The following EFCAB6 variants were observed in gnomAD, a reference collection of about 807,000 sequenced individuals.
The protein encoded by EFCAB6 is EF-hand calcium binding domain 6.
A neutral mutation model predicts 169.8 loss-of-function variants in EFCAB6; 156 were observed. The observed-to-expected ratio is 0.92, with a 90% CI of 0.81 to 1.05. EFCAB6 has a LOEUF of 1.05. Ranked by LOEUF, EFCAB6 falls within the 50% of genes least tolerant of loss-of-function variation. The pLI, the probability that EFCAB6 is intolerant of heterozygous loss-of-function variation, is 0.00. For missense variants in EFCAB6, 1,800 were observed against 1,829.1 expected (o/e 0.98, Z 0.29); for synonymous variants, 698 against 676.4 (o/e 1.03, Z -0.50).
intron 10 of EFCAB6, among the ~76,000 whole-genome samples, chr22:43,698,038 A>C (rs2058639242): frequency 6.6e-6 from 1 of 152,192 alleles, no homozygotes. Context: ...ATACCTTTGA[A>C]GAACACCCTG....
chr22:43,780,185 G>A (rs1417278387), intron 3 of EFCAB6, among the ~76,000 whole-genome samples: 1 of 152,068 alleles, frequency 6.6e-6, no homozygotes, highest in Non-Finnish European at 1.5e-5. Context: ...TACTCATTAG[G>A]AACCTTAAGA....
intron 17 of EFCAB6, among the ~76,000 whole-genome samples, chr22:43,647,750 G>T (rs1228663578): frequency 6.6e-6 from 1 of 152,190 alleles, no homozygotes; most frequent in Admixed American, 6.5e-5. Flanking sequence ...GTGAAGACAT[G>T]CAGACAAAGA....
chr22:43,675,205 AAT>A (rs1488159650), intron 13 of EFCAB6, among the ~76,000 whole-genome samples: 2 of 145,724 alleles, frequency 1.4e-5, no homozygotes, highest in Non-Finnish European at 3.0e-5. Context: ...TGTAATATAT[AAT>A]ATATATCATA....
intron 3 of EFCAB6, among the ~76,000 whole-genome samples, chr22:43,773,769 C>T (rs1231182599): frequency 6.6e-6 from 1 of 152,218 alleles, no homozygotes; most frequent in East Asian, 1.9e-4. Flanking sequence ...ATAGCTTGAA[C>T]CTGGGAGGCT....
chr22:43,671,696 G>A (rs1186596212), intron 15 of EFCAB6, among the ~76,000 whole-genome samples: 1 of 152,212 alleles, frequency 6.6e-6, no homozygotes, highest in Non-Finnish European at 1.5e-5. Context: ...CACCAGCTGT[G>A]TGAGTTGGAG....
chr22:43,723,512 G>C (rs1274548321), intron 8 of EFCAB6, among the ~76,000 whole-genome samples: 1 of 152,150 alleles, frequency 6.6e-6, no homozygotes, highest in Non-Finnish European at 1.5e-5. Flanking sequence ...ATTCAACCTT[G>C]AGTACCTAAT....
intron 17 of EFCAB6, among the ~76,000 whole-genome samples, chr22:43,655,949 T>A (rs752531309): frequency 2.6e-5 from 4 of 152,160 alleles, no homozygotes; most frequent in Admixed American, 6.5e-5. Context: ...TTTAATAAAT[T>A]CTAAATTTAT....
At chr22:43,675,729 GTAAT>G (rs902263460) in intron 13 of EFCAB6, among the ~76,000 whole-genome samples, 24 of 147,386 alleles carry the variant, frequency 1.6e-4, no homozygotes, top group East Asian at 3.9e-4. Context: ...GTACCAAGAT[GTAAT>G]TAATTAATGT....
At chr22:43,564,362 C>T (rs529853627) in intron 26 of EFCAB6, among the ~76,000 whole-genome samples, 3 of 151,852 alleles carry the variant, frequency 2.0e-5, no homozygotes, top group African/African-American at 4.8e-5. Flanking sequence ...ACATGAGAAT[C>T]GCTTCAACCT....
chr22:43,762,945 T>A (rs1324437669), intron 5 of EFCAB6, among the ~76,000 whole-genome samples: 2 of 152,342 alleles, frequency 1.3e-5, no homozygotes, highest in South Asian at 2.1e-4. Context: ...CTGGAAATCA[T>A]CTTAGTCCCC....
chr22:43,635,192 T>C lies in EFCAB6; in HGVS notation c.2008A>G (p.Met670Val). The part of the protein sequence containing the change: ...KKVLEDTGMP[M>V]DDDQYALLTT... ...AGCAGGGCATACTGATCATCGTCCA[T>C]GGGCATCCCAGTGTCTTCCAGTACC... is the stretch of plus-strand genomic sequence containing the variant. The change falls in exon 18 of 32, where the codon ATG (methionine) becomes GTG (valine). Residue 670 changes from methionine (M) to valine (V), a missense_variant. Coordinates refer to ENST00000262726, the MANE Select transcript of EFCAB6 (RefSeq NM_022785.4). 1.2e-6 allele frequency: 2 copies of C among 1,614,136 alleles called. No individual in the cohort carries two copies. The highest frequency in any genetic ancestry group is 1.7e-6 in the Non-Finnish European group (2 of 1,180,002).
At chr22:43,730,070 T>G (rs898041755) in intron 8 of EFCAB6, among the ~76,000 whole-genome samples, 1 of 149,422 alleles carries the variant, frequency 6.7e-6, no homozygotes, top group African/African-American at 2.5e-5. Flanking sequence ...AGGCTGAGGT[T>G]GGAGGATTGC....
chr22:43,529,938 C>A (rs1249694917), intron 31 of EFCAB6, among the ~76,000 whole-genome samples: 1 of 152,240 alleles, frequency 6.6e-6, no homozygotes, highest in Non-Finnish European at 1.5e-5. Context: ...TTCCTATCCA[C>A]ATTTGCGTTA....
intron 16 of EFCAB6, among the ~76,000 whole-genome samples, chr22:43,668,224 G>A (rs2057347325): frequency 6.6e-6 from 1 of 152,162 alleles, no homozygotes; most frequent in African/African-American, 2.4e-5. Context: ...CTATGACAAA[G>A]TGAAGTCTGC....
rs2061298600 is a variant in EFCAB6 at position 43,765,486 on chromosome 22, T to A, written c.352-93A>T. ...GATTTCTAAATCACAGCTCTCAGGA[T>A]GTAACAGAGAATACTATTAACAGGA... On this transcript the variant is annotated intron_variant, in intron 4 of 31. Transcript: ENST00000262726. The A allele has an allele frequency of 3.3e-6, 3 of 908,046 alleles. No homozygotes were observed. In the African/African-American group the frequency reaches 4.9e-5, roughly 15 times the overall value. The allele number at this position is 908,046 out of a possible 1,614,324, so 56.2% of individuals were successfully genotyped here.
At chr22:43,598,338 A>AAAAAG (rs1569223304) in intron 23 of EFCAB6, among the ~76,000 whole-genome samples, 2 of 149,392 alleles carry the variant, frequency 1.3e-5, no homozygotes, top group Non-Finnish European at 1.5e-5. Context: ...AAAAAAAAAA[A>AAAAAG]GGTTGATCTC....
chr22:43,763,522 A>C (rs1315915485), intron 5 of EFCAB6, among the ~76,000 whole-genome samples: 1 of 152,092 alleles, frequency 6.6e-6, no homozygotes, highest in Non-Finnish European at 1.5e-5. Context: ...CCACGACACA[A>C]ATTCTTACAC....
At chr22:43,625,164 C>G (rs1393811659) in intron 20 of EFCAB6, among the ~76,000 whole-genome samples, 2 of 152,140 alleles carry the variant, frequency 1.3e-5, no homozygotes, top group African/African-American at 4.8e-5. Context: ...AGAGGGCCTT[C>G]TGCAGCCTAG....
chr22:43,533,669 T>G (rs2047213891), intron 30 of EFCAB6, among the ~76,000 whole-genome samples: 1 of 152,244 alleles, frequency 6.6e-6, no homozygotes, highest in Non-Finnish European at 1.5e-5. Context: ...GCACACAGGC[T>G]GTGGGCTTTT....
Sources: allele counts gnomAD v4.1 joint callset (sites outside exome capture counted in the v4.1 genomes callset), GRCh38; gene constraint gnomAD v4.1.1; transcripts MANE v1.5; gene names NCBI Gene and HGNC (gene_info 2026-07-23, HGNC 2026-07-21).